PDSS2: variants seen among roughly 807,000 people sequenced by gnomAD.
The protein encoded by PDSS2 is all trans-polyprenyl-diphosphate synthase PDSS2.
Under a neutral mutation model 44.5 loss-of-function variants are expected in PDSS2, and 31 were observed. That is an observed-to-expected ratio of 0.70 (90% CI 0.52 to 0.94). The LOEUF (loss-of-function observed/expected upper bound fraction) is 0.94, where lower values mean the gene tolerates loss of function less well. Among genes scored for constraint, PDSS2 ranks in the 40% least tolerant of loss-of-function variants. The pLI, the probability that PDSS2 is intolerant of heterozygous loss-of-function variation, is 0.00. For synonymous variants in PDSS2, 157 were observed against 180.3 expected (o/e 0.87, Z 1.03); for missense variants, 452 against 482.2 (o/e 0.94, Z 0.59).
chr6:107,343,810 T>C (rs1209246821), intron 1 of PDSS2, among the ~76,000 whole-genome samples: 1 of 152,194 alleles, frequency 6.6e-6, no homozygotes, highest in East Asian at 1.9e-4. Flanking sequence ...TTCTTGCATT[T>C]TTCTGTGTGC....
chr6:107,287,497 C>T (rs1321378960), intron 2 of PDSS2, among the ~76,000 whole-genome samples: 1 of 151,882 alleles, frequency 6.6e-6, no homozygotes, highest in Non-Finnish European at 1.5e-5. Context: ...TATATACCCA[C>T]ATAAACATTT....
intron 2 of PDSS2, among the ~76,000 whole-genome samples, chr6:107,310,081 C>G (rs761381152): frequency 6.6e-6 from 1 of 151,922 alleles, no homozygotes; most frequent in African/African-American, 2.4e-5. Context: ...GTCAGGAGAT[C>G]GAGACCATCC....
At chr6:107,420,657 A>T (rs1204901164) in intron 1 of PDSS2, among the ~76,000 whole-genome samples, 1 of 152,232 alleles carries the variant, frequency 6.6e-6, no homozygotes, top group Non-Finnish European at 1.5e-5. Context: ...AGCTTGACTT[A>T]AAACGCACAC....
chr6:107,302,532 C>T lies in PDSS2; in HGVS notation c.432-28305G>A, dbSNP rs770065703. ...ATCCTCCTGCCTCGGCCTTTCTAAA[C>T]GCTGAGATTACAGGCATAAGCCACA... On this transcript the variant is annotated intron_variant, in intron 2 of 7. Coordinates refer to ENST00000369037, the MANE Select transcript of PDSS2 (RefSeq NM_020381.4). Among the ~76,000 whole-genome samples the T allele has an allele frequency of 2.6e-5, 4 of 152,012 alleles. No homozygotes were observed. The East Asian group carries it at 5.8e-4, about 22-fold the overall frequency.
intron 1 of PDSS2, among the ~76,000 whole-genome samples, chr6:107,360,010 G>T (rs1233588954): frequency 6.6e-6 from 1 of 152,156 alleles, no homozygotes; most frequent in Non-Finnish European, 1.5e-5. Flanking sequence ...TAGCCATTCA[G>T]TCCATGTTTC....
chr6:107,412,192 T>C (rs182818610), intron 1 of PDSS2, among the ~76,000 whole-genome samples: 1 of 149,146 alleles, frequency 6.7e-6, no homozygotes, highest in East Asian at 2.0e-4. Flanking sequence ...CTGGCAACTG[T>C]ACTTCTTTTT....
intron 1 of PDSS2, among the ~76,000 whole-genome samples, chr6:107,359,383 G>T (rs62430108): frequency 2.0e-5 from 3 of 151,870 alleles, no homozygotes; most frequent in African/African-American, 7.2e-5. Flanking sequence ...AGCACTTTGG[G>T]AAGCTGAGGC....
At chr6:107,281,981 C>T (rs994357559) in intron 2 of PDSS2, among the ~76,000 whole-genome samples, 17 of 152,154 alleles carry the variant, frequency 1.1e-4, no homozygotes, top group African/African-American at 3.6e-4. Context: ...CCTCAGCTCA[C>T]TGAAACCTCC....
intron 1 of PDSS2, among the ~76,000 whole-genome samples, chr6:107,446,775 G>A (rs1261795623): frequency 6.6e-6 from 1 of 152,010 alleles, no homozygotes; most frequent in Non-Finnish European, 1.5e-5. Flanking sequence ...ACTATCATGA[G>A]AACAGCCCCA....
At chr6:107,287,161 T>C (rs889230628) in intron 2 of PDSS2, among the ~76,000 whole-genome samples, 2 of 152,334 alleles carry the variant, frequency 1.3e-5, no homozygotes, top group African/African-American at 2.4e-5. Context: ...AAGGTAGAAA[T>C]TGGGGTCTCA....
At chr6:107,215,998 G>A (rs1195876539) in intron 4 of PDSS2, among the ~76,000 whole-genome samples, 3 of 151,754 alleles carry the variant, frequency 2.0e-5, no homozygotes, top group African/African-American at 7.3e-5. Context: ...TTAGTTGGGT[G>A]TGGTGTCTTG....
At chr6:107,352,269 T>G (rs1467127280) in intron 1 of PDSS2, among the ~76,000 whole-genome samples, 4 of 152,186 alleles carry the variant, frequency 2.6e-5, no homozygotes, top group Non-Finnish European at 5.9e-5. Flanking sequence ...TCACACAAAC[T>G]TAACTATGCT....
chr6:107,260,897 T>G (rs1271906155), intron 3 of PDSS2, among the ~76,000 whole-genome samples: 1 of 151,982 alleles, frequency 6.6e-6, no homozygotes. Flanking sequence ...CTCCTGACCT[T>G]GTGATCTGCC....
intron 7 of PDSS2, chr6:107,192,376 C>T: frequency 2.0e-6 from 1 of 510,650 alleles, no homozygotes. Flanking sequence ...TCTGAGACCC[C>T]AGGGAAAGGC....
chr6:107,178,011 C>T (rs1353498269), intron 7 of PDSS2, among the ~76,000 whole-genome samples: 1 of 152,092 alleles, frequency 6.6e-6, no homozygotes, highest in African/African-American at 2.4e-5. Flanking sequence ...CTTACTTATA[C>T]ATTTCTTATA....
intron 4 of PDSS2, among the ~76,000 whole-genome samples, chr6:107,239,634 C>CTTTTTTTTTTTT (rs1177940710): frequency 3.9e-5 from 3 of 76,926 alleles, no homozygotes; most frequent in East Asian, 4.6e-4. Context: ...TGTACTCTAC[C>CTTTTTTTTTTTT]TTTTTTTTTT....
chr6:107,208,335 C>T (rs1291504657), intron 6 of PDSS2, among the ~76,000 whole-genome samples: 33 of 116,340 alleles, frequency 2.8e-4, no homozygotes, highest in Admixed American at 1.6e-3. Flanking sequence ...CTCACTGTGT[C>T]GCTCAGACTG....
At chr6:107,364,757 G>A (rs1423882364) in intron 1 of PDSS2, among the ~76,000 whole-genome samples, 1 of 152,258 alleles carries the variant, frequency 6.6e-6, no homozygotes, top group African/African-American at 2.4e-5. Flanking sequence ...GGCAGGGGAG[G>A]TGCCGAGAAC....
chr6:107,416,887 CA>C (rs962752278), intron 1 of PDSS2, among the ~76,000 whole-genome samples: 252 of 139,186 alleles, frequency 1.8e-3, no homozygotes, highest in African/African-American at 4.0e-3. Context: ...AGAAGAACTA[CA>C]AAAAAAAAAA....
Sources: gnomAD v4.1 joint callset for allele counts (sites outside exome capture counted in the v4.1 genomes callset) on GRCh38, gnomAD v4.1.1 for gene constraint, MANE v1.5 for transcripts, NCBI Gene and HGNC (gene_info 2026-07-23, HGNC 2026-07-21) for gene names.